Variants in FXN observed in about 807,000 individuals in gnomAD.
FXN encodes frataxin, mitochondrial.
In FXN, 14 loss-of-function variants were observed where a neutral mutation model predicts 22.4. The ratio of observed to expected loss-of-function variants is 0.62; its 90% confidence interval spans 0.41 to 0.98. FXN has a LOEUF of 0.98. Among genes scored for constraint, FXN ranks in the 50% least tolerant of loss-of-function variants. FXN has a pLI of 0.00. For synonymous variants in FXN, 120 were observed against 114.1 expected (o/e 1.05, Z -0.33); for missense variants, 267 against 268.4 (o/e 0.99, Z 0.04).
intron 1 of FXN, among the ~76,000 whole-genome samples, chr9:69,042,274 G>T (rs1831671734): frequency 6.7e-6 from 1 of 150,010 alleles, no homozygotes; most frequent in Admixed American, 6.7e-5. Flanking sequence ...CTCATCCTAT[G>T]ACCTTGACCT....
At position 69,075,085 on chromosome 9, in the gene FXN, C is replaced by G. The variant is rs1041091466; in HGVS notation, c.*2323C>G. Reference sequence around the variant, plus strand: ...GTCCTTGTGGGCCAGCCCTTCAGGCCTATTTTACTTTCATTTTACATATAG... The same window carrying G: ...GTCCTTGTGGGCCAGCCCTTCAGGCGTATTTTACTTTCATTTTACATATAG... On this transcript the variant is annotated 3_prime_UTR_variant, in exon 5 of 5. Coordinates refer to ENST00000484259, the MANE Select transcript of FXN (RefSeq NM_000144.5). The G allele has an allele frequency of 3.0e-6, 3 of 985,222 alleles. No individual in the cohort carries two copies. The highest frequency in any genetic ancestry group is 3.6e-6 in the Non-Finnish European group (3 of 829,942). The allele number at this position is 985,222 out of a possible 1,614,324, so 61.0% of individuals were successfully genotyped here.
chr9:69,058,490 T>A (rs570261492), intron 3 of FXN, among the ~76,000 whole-genome samples: 307 of 152,194 alleles, frequency 2.0e-3, no homozygotes, highest in African/African-American at 6.8e-3. Context: ...GTCAGCATAT[T>A]ACTGTCTTAG....
Position 69,077,114 on chromosome 9 carries a change from A to G in FXN, c.*4352A>G, listed in dbSNP as rs1439970246. The G allele has an allele frequency of 1.9e-6, 1 of 532,096 alleles. No individual in the cohort carries two copies. Among genetic ancestry groups the G allele is most frequent in the Admixed American group, 6.4e-5 (1 of 15,686 alleles). 33.0% of individuals were successfully genotyped at this position (532,096 alleles called of 1,614,324 possible). A position where few individuals can be genotyped will look rare whatever the true frequency, so the allele number is the denominator to read the frequency against. On this transcript the variant is annotated 3_prime_UTR_variant, in exon 5 of 5. Coordinates refer to ENST00000484259, the MANE Select transcript of FXN (RefSeq NM_000144.5). ...TTTTTAGTAGAGACGGGGTTTCACC[A>G]TCATGGCCAGGCTGGTCTTGAACTC...
At chr9:69,053,080 G>T in intron 2 of FXN, 60 bp from the exon 3 acceptor site, 5 of 1,532,728 alleles carry the variant, frequency 3.3e-6, no homozygotes, top group East Asian at 2.4e-5. Flanking sequence ...GTATAAATTT[G>T]ATATTAATAA....
At chr9:69,038,446 GA>G (rs776815324) in intron 1 of FXN, among the ~76,000 whole-genome samples, 3 of 149,888 alleles carry the variant, frequency 2.0e-5, no homozygotes, top group African/African-American at 4.9e-5. Flanking sequence ...TAGTTAAAAA[GA>G]AAAAAAAATC....
intron 1 of FXN, among the ~76,000 whole-genome samples, chr9:69,038,594 G>A (rs1243419580): frequency 6.6e-6 from 1 of 152,156 alleles, no homozygotes; most frequent in Non-Finnish European, 1.5e-5. Flanking sequence ...GGGAGGCCGA[G>A]GCGAGTGGAT....
rs1329525406 is a variant in FXN at position 69,074,353 on chromosome 9, T to C, written c.*1591T>C. ...TTCATGCAAAGTTATGCTCATGTTA[T>C]ATTATTTTCTTACTTAAAGAAGGAT... On this transcript the variant is annotated 3_prime_UTR_variant, in exon 5 of 5. Coordinates refer to ENST00000484259, the MANE Select transcript of FXN (RefSeq NM_000144.5). 1.0e-5 allele frequency: 10 copies of C among 985,206 alleles called. No homozygotes were observed. Among genetic ancestry groups the C allele is most frequent in the African/African-American group, 1.7e-5 (1 of 57,204 alleles). 61.0% of individuals were successfully genotyped at this position (985,206 alleles called of 1,614,324 possible). A position where few individuals can be genotyped will look rare whatever the true frequency, so the allele number is the denominator to read the frequency against.
chr9:69,052,241 C>T (rs779796383), intron 2 of FXN, among the ~76,000 whole-genome samples: 35 of 151,540 alleles, frequency 2.3e-4, no homozygotes, highest in Non-Finnish European at 4.7e-4. Context: ...GCAACCTCCA[C>T]CTCCGGGGTT....
chr9:69,066,870 AT>A (rs1321612196), intron 4 of FXN, among the ~76,000 whole-genome samples: 111 of 51,940 alleles, frequency 2.1e-3, no homozygotes, highest in African/African-American at 5.5e-3. Context: ...AAAAAAAAAA[AT>A]ATATATATAT....
In FXN at chr9:69,077,616, G is replaced by A. The variant is rs1221370448; in HGVS notation, c.*4854G>A. The A allele has an allele frequency of 3.0e-5, 30 of 985,386 alleles. No homozygotes were observed. The highest frequency in any genetic ancestry group is 1.2e-4 in the Admixed American group (2 of 16,262). The allele number at this position is 985,386 out of a possible 1,614,324, so 61.0% of individuals were successfully genotyped here. On this transcript the variant is annotated 3_prime_UTR_variant, in exon 5 of 5. Coordinates refer to ENST00000484259, the MANE Select transcript of FXN (RefSeq NM_000144.5). ...TGTGATCTGTGGGAACATTGTTAACGCCACATCTTGACCTCAAATTGTTTA... is the reference window on the plus strand; with the variant it reads ...TGTGATCTGTGGGAACATTGTTAACACCACATCTTGACCTCAAATTGTTTA...
chr9:69,069,930 T>G (rs1429866783), intron 4 of FXN, among the ~76,000 whole-genome samples: 1 of 152,070 alleles, frequency 6.6e-6, no homozygotes, highest in African/African-American at 2.4e-5. Flanking sequence ...CAATTTGCTG[T>G]AAGAAAATGG....
Position 69,076,382 on chromosome 9 carries a change from T to C in FXN, c.*3620T>C, listed in dbSNP as rs928155957. 5.1e-6 allele frequency: 5 copies of C among 985,288 alleles called. No individual in the cohort carries two copies. In the African/African-American group the frequency reaches 7.0e-5, roughly 14 times the overall value. The allele number at this position is 985,288 out of a possible 1,614,324, so 61.0% of individuals were successfully genotyped here. ...ACATTGGAGGACTTCTCCCAAAATA[T>C]GGATGACGTTCCCTACTCAACCTTG... On this transcript the variant is annotated 3_prime_UTR_variant, in exon 5 of 5. Transcript: ENST00000484259.
chr9:69,057,266 T>G (rs541703368), intron 3 of FXN, among the ~76,000 whole-genome samples: 1 of 152,338 alleles, frequency 6.6e-6, no homozygotes, highest in Admixed American at 6.5e-5. Context: ...GAGCTTAGAA[T>G]TTTGTTTTTA....
intron 4 of FXN, among the ~76,000 whole-genome samples, chr9:69,068,177 A>G (rs1382287291): frequency 6.6e-6 from 1 of 152,168 alleles, no homozygotes; most frequent in East Asian, 1.9e-4. Context: ...GCATGTGGAC[A>G]CGGGGCTATG....
chr9:69,068,132 A>G (rs1386601648), intron 4 of FXN, among the ~76,000 whole-genome samples: 1 of 152,132 alleles, frequency 6.6e-6, no homozygotes, highest in Non-Finnish European at 1.5e-5. Context: ...CTCAGAAGGG[A>G]CAGAGGCAGG....
Position 69,074,178 on chromosome 9 carries a change from T to C in FXN, c.*1416T>C. The stretch of plus-strand genomic sequence containing the variant: ...TAACCTGGGTGACTGAGCAAAACTC[T>C]GTCTCAAAATAATAATAACAATATA... On this transcript the variant is annotated 3_prime_UTR_variant, in exon 5 of 5. Transcript: ENST00000484259. The C allele has an allele frequency of 1.2e-6, 1 of 848,816 alleles. No homozygotes were observed. Among genetic ancestry groups the C allele is most frequent in the African/African-American group, 1.9e-5 (1 of 51,388 alleles). 52.6% of individuals were successfully genotyped at this position (848,816 alleles called of 1,614,324 possible). A position where few individuals can be genotyped will look rare whatever the true frequency, so the allele number is the denominator to read the frequency against.
intron 2 of FXN, among the ~76,000 whole-genome samples, chr9:69,049,172 G>A (rs769684401): frequency 1.3e-5 from 2 of 152,116 alleles, no homozygotes; most frequent in Non-Finnish European, 2.9e-5. Context: ...CAACTCTGCC[G>A]GCAGGTAGCA....
intron 4 of FXN, among the ~76,000 whole-genome samples, chr9:69,065,540 CAA>C (rs34769489): frequency 1.4e-5 from 2 of 140,734 alleles, no homozygotes; most frequent in Non-Finnish European, 1.5e-5. Flanking sequence ...GACCCTGTCC[CAA>C]AAAAAAAAAA....
intron 3 of FXN, among the ~76,000 whole-genome samples, chr9:69,063,206 C>A (rs929351151): frequency 1.3e-5 from 2 of 152,046 alleles, no homozygotes; most frequent in African/African-American, 4.8e-5. Context: ...TAAAAACAAA[C>A]AAACAAAAAC....
Sources: allele counts gnomAD v4.1 joint callset (sites outside exome capture counted in the v4.1 genomes callset), GRCh38; gene constraint gnomAD v4.1.1; transcripts MANE v1.5; gene names NCBI Gene and HGNC (gene_info 2026-07-23, HGNC 2026-07-21).